The following CNTN5 variants were observed in gnomAD, a reference collection of about 807,000 sequenced individuals.
CNTN5 encodes contactin 5, also known as contactin-5.
A neutral mutation model predicts 129.1 loss-of-function variants in CNTN5; 77 were observed. That is an observed-to-expected ratio of 0.60 (90% CI 0.50 to 0.72). CNTN5 has a LOEUF of 0.72. Among genes scored for constraint, CNTN5 ranks in the 30% least tolerant of loss-of-function variants. The pLI is 0.00. For missense variants in CNTN5, 1,478 were observed against 1,328.8 expected (o/e 1.11, Z -1.75); for synonymous variants, 509 against 465.6 (o/e 1.09, Z -1.20).
intron 3 of CNTN5, among the ~76,000 whole-genome samples, chr11:99,651,936 C>T (rs943872025): frequency 3.3e-5 from 5 of 152,018 alleles, no homozygotes; most frequent in Admixed American, 3.3e-4. Context: ...ATGAAATTTA[C>T]TGACTACATT....
intron 3 of CNTN5, among the ~76,000 whole-genome samples, chr11:99,676,156 G>A (rs566474611): frequency 7.3e-6 from 1 of 137,110 alleles, no homozygotes; most frequent in Non-Finnish European, 1.6e-5. Flanking sequence ...TATAATTATT[G>A]ATTTTATTAC....
chr11:99,527,707 C>T (rs11605324), intron 2 of CNTN5, among the ~76,000 whole-genome samples: 16,594 of 152,188 alleles, frequency 0.11, 1,150 homozygotes, highest in Non-Finnish European at 0.16. Context: ...TCAGCAGAAG[C>T]CTCGAATGGG....
intron 9 of CNTN5, among the ~76,000 whole-genome samples, chr11:100,048,070 G>T (rs1426560627): frequency 2.0e-5 from 3 of 152,140 alleles, no homozygotes; most frequent in Non-Finnish European, 2.9e-5. Context: ...GGCGGAGCTT[G>T]CAGTGAGTCG....
At chr11:99,770,367 T>C (rs2135331303) in intron 3 of CNTN5, among the ~76,000 whole-genome samples, 1 of 152,230 alleles carries the variant, frequency 6.6e-6, no homozygotes, top group African/African-American at 2.4e-5. Flanking sequence ...GAGATCATTT[T>C]CATTAGCATA....
chr11:99,722,062 A>G (rs1943191094), intron 3 of CNTN5, among the ~76,000 whole-genome samples: 1 of 152,190 alleles, frequency 6.6e-6, no homozygotes, highest in Admixed American at 6.5e-5. Context: ...CCATTGTGGG[A>G]AAGCAGTATA....
chr11:99,618,398 ATATATGGTAAG>A (rs1297237075), intron 3 of CNTN5, among the ~76,000 whole-genome samples: 1 of 152,174 alleles, frequency 6.6e-6, no homozygotes, highest in East Asian at 1.9e-4. Flanking sequence ...CATTTTACAA[ATATATGGTAAG>A]TATATTGATT....
Position 100,333,966 on chromosome 11 carries a change from G to A in CNTN5, c.2731-6497G>A, listed in dbSNP as rs547355812. On this transcript the variant is annotated intron_variant, in intron 21 of 24. Transcript: ENST00000524871. ...AATTAAACTAAAAAGCTTCTGCACA[G>A]CGATAGAAATAATCAGCAGAGTTAA... is the stretch of plus-strand genomic sequence containing the variant. 7.2e-5 allele frequency among the ~76,000 whole-genome samples: 11 copies of A among 152,302 alleles called. No homozygotes were observed. In the South Asian group the frequency reaches 2.3e-3, roughly 32 times the overall value.
chr11:99,487,771 C>G, intron 2 of CNTN5, among the ~76,000 whole-genome samples: 1 of 152,162 alleles, frequency 6.6e-6, no homozygotes, highest in East Asian at 1.9e-4. Context: ...TTGCCTATTG[C>G]TTCTCCAAAC....
chr11:99,340,884 A>C (rs761263201), intron 2 of CNTN5, among the ~76,000 whole-genome samples: 1 of 152,192 alleles, frequency 6.6e-6, no homozygotes, highest in South Asian at 2.1e-4. Context: ...TTTTCTTAGA[A>C]ATTATATTTT....
At chr11:100,227,077 T>C (rs1164597523) in intron 16 of CNTN5, among the ~76,000 whole-genome samples, 1 of 152,144 alleles carries the variant, frequency 6.6e-6, no homozygotes, top group Non-Finnish European at 1.5e-5. Context: ...TCCCCATTCA[T>C]CTTTTAGTAG....
chr11:99,253,901 A>G (rs907963532), intron 1 of CNTN5, among the ~76,000 whole-genome samples: 1 of 102,114 alleles, frequency 9.8e-6, no homozygotes, highest in Admixed American at 8.9e-5. Context: ...ATACGTTTAT[A>G]TATATATATA....
chr11:100,326,977 A>C (rs776239573), intron 21 of CNTN5, among the ~76,000 whole-genome samples: 2 of 152,258 alleles, frequency 1.3e-5, no homozygotes, highest in Non-Finnish European at 2.9e-5. Context: ...GAGATGCAGA[A>C]GTATAGAGAC....
At chr11:99,287,924 T>G (rs372511386) in intron 1 of CNTN5, among the ~76,000 whole-genome samples, 3 of 151,358 alleles carry the variant, frequency 2.0e-5, no homozygotes, top group African/African-American at 7.3e-5. Context: ...GGAATAGGAG[T>G]AGGAGGATTG....
chr11:100,074,253 C>G lies in CNTN5; in HGVS notation c.1539C>G (p.Ile513Met), dbSNP rs1255393535. The G allele has an allele frequency of 3.1e-6, 5 of 1,610,256 alleles. No individual in the cohort carries two copies. Among genetic ancestry groups the G allele is most frequent in the Non-Finnish European group, 4.2e-6 (5 of 1,177,936 alleles). The part of the protein sequence containing the change: ...CKPQGSPKPT[I>M]SWKKGDRAVR... ...CCCAAGGCTCTCCAAAACCAACCAT[C>G]TCTTGGAAGAAAGGAGACAGAGCAG... Residue 513 changes from isoleucine (I) to methionine (M), a missense_variant, in exon 13 of 25, where the codon ATC (isoleucine) becomes ATG (methionine). Coordinates refer to ENST00000524871, the MANE Select transcript of CNTN5 (RefSeq NM_014361.4).
chr11:99,958,167 G>A (rs572304581), intron 8 of CNTN5, among the ~76,000 whole-genome samples: 1 of 152,246 alleles, frequency 6.6e-6, no homozygotes, highest in Middle Eastern at 3.4e-3. Context: ...ATGCTGACTT[G>A]GAAACCAATT....
chr11:99,915,550 T>G (rs532413435), intron 6 of CNTN5, among the ~76,000 whole-genome samples: 1 of 152,282 alleles, frequency 6.6e-6, no homozygotes, highest in South Asian at 2.1e-4. Context: ...AGAAAAAGAA[T>G]GCTTTTTCTA....
At chr11:100,236,200 T>C (rs1023278867) in intron 16 of CNTN5, among the ~76,000 whole-genome samples, 1 of 151,990 alleles carries the variant, frequency 6.6e-6, no homozygotes, top group Non-Finnish European at 1.5e-5. Flanking sequence ...TAAGATAAAT[T>C]CCCCCACACT....
rs552808476 is a variant in CNTN5 at position 99,806,092 on chromosome 11, G to A, written c.56-13452G>A. 5.3e-5 allele frequency among the ~76,000 whole-genome samples: 8 copies of A among 152,282 alleles called. No homozygotes were observed. The East Asian group carries it at 1.5e-3, about 29-fold the overall frequency. On this transcript the variant is annotated intron_variant, in intron 3 of 24. Coordinates refer to ENST00000524871, the MANE Select transcript of CNTN5 (RefSeq NM_014361.4). ...TTAGCCTTGAACGTCTCTTCTCAGA[G>A]AGTACAAGTGAACTTTTTTTTCTTT...
At chr11:99,170,301 G>A (rs948723486) in intron 1 of CNTN5, among the ~76,000 whole-genome samples, 2 of 152,068 alleles carry the variant, frequency 1.3e-5, no homozygotes, top group Non-Finnish European at 2.9e-5. Flanking sequence ...TCTTTCCCAA[G>A]GACGCACAGG....
Sources: gnomAD v4.1 joint callset for allele counts (sites outside exome capture counted in the v4.1 genomes callset) on GRCh38, gnomAD v4.1.1 for gene constraint, MANE v1.5 for transcripts, NCBI Gene and HGNC (gene_info 2026-07-23, HGNC 2026-07-21) for gene names.